The following ANKS1B variants were observed in gnomAD, a reference collection of about 807,000 sequenced individuals.
ANKS1B encodes ankyrin repeat and sterile alpha motif domain-containing protein 1B.
Under a neutral mutation model 148.3 loss-of-function variants are expected in ANKS1B, and 36 were observed. The observed-to-expected ratio is 0.24, with a 90% CI of 0.19 to 0.32. The LOEUF (loss-of-function observed/expected upper bound fraction) is 0.32. Among genes scored for constraint, ANKS1B ranks in the 10% least tolerant of loss-of-function variants. ANKS1B has a pLI of 1.00. For missense variants in ANKS1B, 1,157 were observed against 1,542.6 expected, an observed-to-expected ratio of 0.75 and a Z score of 4.19; for synonymous variants, 542 against 560.8, an observed-to-expected ratio of 0.97 and a Z score of 0.47.
chr12:99,307,420 G>A (rs1159203288), intron 12 of ANKS1B, among the ~76,000 whole-genome samples: 3 of 152,064 alleles, frequency 2.0e-5, no homozygotes, highest in Non-Finnish European at 4.4e-5. Flanking sequence ...GGTCCCAAGA[G>A]AGTGGGTGAA....
chr12:99,836,176 T>C (rs1165661192), intron 1 of ANKS1B, among the ~76,000 whole-genome samples: 1 of 152,126 alleles, frequency 6.6e-6, no homozygotes, highest in Non-Finnish European at 1.5e-5. Flanking sequence ...CCACTGTTTG[T>C]TTTTGTAAAT....
At chr12:99,485,443 T>C (rs1465676982) in intron 10 of ANKS1B, among the ~76,000 whole-genome samples, 1 of 152,172 alleles carries the variant, frequency 6.6e-6, no homozygotes, top group Non-Finnish European at 1.5e-5. Context: ...CTTTGCTTCA[T>C]GTTTACTTTA....
chr12:99,899,408 T>C (rs943973968), intron 1 of ANKS1B, among the ~76,000 whole-genome samples: 2 of 152,196 alleles, frequency 1.3e-5, no homozygotes, highest in African/African-American at 4.8e-5. Context: ...TAGTGAGGTA[T>C]GTGTTGAAAT....
At chr12:98,942,933 A>C (rs957562443) in intron 17 of ANKS1B, among the ~76,000 whole-genome samples, 4 of 152,244 alleles carry the variant, frequency 2.6e-5, no homozygotes, top group Non-Finnish European at 5.9e-5. Flanking sequence ...CAGTGTCGGA[A>C]ACAACACCAA....
At chr12:99,327,201 T>C (rs1183665909) in intron 12 of ANKS1B, among the ~76,000 whole-genome samples, 3 of 113,090 alleles carry the variant, frequency 2.7e-5, no homozygotes, top group African/African-American at 3.5e-5. Context: ...TTATATAATA[T>C]ATTATCTATT....
At chr12:99,438,485 C>A (rs996058028) in intron 11 of ANKS1B, among the ~76,000 whole-genome samples, 1 of 151,800 alleles carries the variant, frequency 6.6e-6, no homozygotes, top group South Asian at 2.1e-4. Context: ...TCTCCCTCAT[C>A]AAAATAAACA....
intron 8 of ANKS1B, chr12:99,706,758 TA>T (rs2055845933): frequency 6.6e-6 from 1 of 152,104 alleles, no homozygotes; most frequent in Non-Finnish European, 1.5e-5. Flanking sequence ...TGAAGTAAGC[TA>T]CCATATGGAA....
At chr12:98,816,903 T>C (rs1251768641) in intron 19 of ANKS1B, among the ~76,000 whole-genome samples, 2 of 152,116 alleles carry the variant, frequency 1.3e-5, no homozygotes, top group African/African-American at 2.4e-5. Context: ...TCTGCTGATA[T>C]TATATAGCTA....
chr12:99,137,327 A>G (rs2153783577), intron 15 of ANKS1B, among the ~76,000 whole-genome samples: 2 of 152,278 alleles, frequency 1.3e-5, no homozygotes, highest in South Asian at 4.1e-4. Context: ...GTCAGGCAGC[A>G]CAGATAATCA....
intron 4 of ANKS1B, among the ~76,000 whole-genome samples, chr12:99,785,803 CT>C (rs2064957498): frequency 6.6e-6 from 1 of 152,078 alleles, no homozygotes; most frequent in South Asian, 2.1e-4. Flanking sequence ...ATTAAGCAGG[CT>C]TGAGGAACAC....
At chr12:99,720,675 T>C (rs974466688) in intron 8 of ANKS1B, among the ~76,000 whole-genome samples, 2 of 152,192 alleles carry the variant, frequency 1.3e-5, no homozygotes, top group Non-Finnish European at 2.9e-5. Context: ...GTACAGCCCA[T>C]TGGAGCTCCT....
chr12:98,897,946 T>C lies in ANKS1B; in HGVS notation c.2779-65810A>G, dbSNP rs977595184. On this transcript the variant is annotated intron_variant, in intron 17 of 26. Transcript: ENST00000683438. The stretch of plus-strand genomic sequence containing the variant: ...TGGAGCTTGAAGCCATTATCCTAAG[T>C]GAAATAAAACCAGAAAATCAGTACC... 3.3e-5 allele frequency among the ~76,000 whole-genome samples: 5 copies of C among 152,098 alleles called. No individual in the cohort carries two copies. The East Asian group carries it at 9.7e-4, about 29-fold the overall frequency.
At chr12:99,908,483 G>A (rs1035592796) in intron 1 of ANKS1B, among the ~76,000 whole-genome samples, 1 of 152,114 alleles carries the variant, frequency 6.6e-6, no homozygotes, top group Non-Finnish European at 1.5e-5. Context: ...GAGAGTCTGA[G>A]GTGAGAGAAT....
intron 12 of ANKS1B, among the ~76,000 whole-genome samples, chr12:99,253,278 A>G (rs1383060589): frequency 6.6e-6 from 1 of 151,834 alleles, no homozygotes; most frequent in African/African-American, 2.4e-5. Context: ...CAGTAGAGGG[A>G]GACTTTGAAT....
At chr12:99,315,984 T>C (rs1055907412) in intron 12 of ANKS1B, among the ~76,000 whole-genome samples, 15 of 152,196 alleles carry the variant, frequency 9.9e-5, no homozygotes, top group Admixed American at 9.2e-4. Flanking sequence ...ACCATGTCCC[T>C]ACAAAGGACA....
At chr12:99,868,729 C>G (rs2091079891) in intron 1 of ANKS1B, among the ~76,000 whole-genome samples, 1 of 152,024 alleles carries the variant, frequency 6.6e-6, no homozygotes, top group South Asian at 2.1e-4. Context: ...TATGCAAGGT[C>G]CTTACAGAGA....
At chr12:99,190,449 A>T (rs1294203822) in intron 14 of ANKS1B, among the ~76,000 whole-genome samples, 3 of 152,188 alleles carry the variant, frequency 2.0e-5, no homozygotes, top group African/African-American at 7.2e-5. Flanking sequence ...ACTATACTAC[A>T]AGGCTATAGT....
chr12:99,811,467 G>A (rs2068360733), intron 3 of ANKS1B, among the ~76,000 whole-genome samples: 1 of 151,828 alleles, frequency 6.6e-6, no homozygotes. Flanking sequence ...TGTATTAGGG[G>A]ACCATATTTT....
chr12:99,357,973 T>C (rs1186091091), intron 12 of ANKS1B, among the ~76,000 whole-genome samples: 2 of 152,130 alleles, frequency 1.3e-5, no homozygotes, highest in Non-Finnish European at 2.9e-5. Flanking sequence ...CAATTGCTAA[T>C]GAGGTGGAAC....
Sources: allele counts gnomAD v4.1 joint callset (sites outside exome capture counted in the v4.1 genomes callset), GRCh38; gene constraint gnomAD v4.1.1; transcripts MANE v1.5; gene names NCBI Gene and HGNC (gene_info 2026-07-23, HGNC 2026-07-21).